The following PMPCA variants were observed in gnomAD, a reference collection of about 807,000 sequenced individuals.
PMPCA encodes the protein peptidase, mitochondrial processing subunit alpha, also known as mitochondrial-processing peptidase subunit alpha.
PMPCA carries 47 observed loss-of-function variants against 59.3 expected under a neutral mutation model. The observed-to-expected ratio is 0.79, with a 90% CI of 0.63 to 1.01. The LOEUF is 1.01. Ranked by LOEUF, PMPCA falls within the 50% of genes least tolerant of loss-of-function variation. The pLI is 0.00. For missense variants in PMPCA, 726 were observed against 704.5 expected (o/e 1.03, Z -0.34); for synonymous variants, 338 against 290.3 (o/e 1.16, Z -1.67).
At position 136,412,340 on chromosome 9, in the gene PMPCA, C is replaced by G. The variant is rs1169085464; in HGVS notation, c.274+141C>G. On this transcript the variant is annotated intron_variant, in intron 2 of 12. Coordinates refer to ENST00000371717, the MANE Select transcript of PMPCA (RefSeq NM_015160.3). ...AGTGTACGATTTCATAAATGTTGAG[C>G]TACACATATACCTGTGAAACCATCA... 5 of 795,770 alleles carry G rather than the reference C, an allele frequency of 6.3e-6. No individual in the cohort carries two copies. The East Asian group carries it at 1.2e-4, about 20-fold the overall frequency. 49.3% of individuals were successfully genotyped at this position (795,770 alleles called of 1,614,324 possible).
Position 136,419,061 on chromosome 9 carries a change from A to T in PMPCA, c.1218A>T (p.Glu406Asp), listed in dbSNP as rs1324764959. 1 of 1,614,042 alleles carries T rather than the reference A, an allele frequency of 6.2e-7. No individual in the cohort carries two copies. The highest frequency in any genetic ancestry group is 1.3e-5 in the African/African-American group (1 of 75,046). ...CTTCGCAGGTTCGAGAAATGGTAGA[A>T]ATCATCACAAAGGAGTTTATTTTAA... ...ADPRQVREMV[E>D]IITKEFILMG... The change falls in exon 11 of 13, where the codon GAA becomes GAT. Residue 406 changes from glutamate (E) to aspartate (D), a missense_variant. Glu to Asp is a conservative substitution (Grantham distance 45). Transcript: ENST00000371717.
At chr9:136,414,795 T>C (rs1299063574) in intron 5 of PMPCA, 148 bp downstream of exon 5, 1 of 599,336 alleles carries the variant, frequency 1.7e-6, no homozygotes, top group African/African-American at 1.8e-5. Context: ...TCATAAGAAA[T>C]AGCGCTGGGG....
Position 136,418,120 on chromosome 9 carries a change from G to A in PMPCA, c.990+11G>A, listed in dbSNP as rs1835334950. The A allele has an allele frequency of 1.3e-6, 2 of 1,589,956 alleles. No homozygotes were observed. Among genetic ancestry groups the A allele is most frequent in the Middle Eastern group, 1.7e-4 (1 of 6,014 alleles). On this transcript the variant is annotated intron_variant, in intron 8 of 12. Coordinates refer to ENST00000371717, the MANE Select transcript of PMPCA (RefSeq NM_015160.3). ...AGCTGCTCCTTCCTGGTGAGTCCTG[G>A]TGCTGGGTCTGATGGCGTTCCTGAT...
At chr9:136,412,649 TAATA>T (rs1208475838) in intron 3 of PMPCA, 80 bp downstream of exon 3, 2 of 817,444 alleles carry the variant, frequency 2.4e-6, no homozygotes, top group Middle Eastern at 2.3e-4. Context: ...ATGGTTATTT[TAATA>T]AATTATCAAG....
In PMPCA at chr9:136,416,026, C is replaced by T. The variant is rs117166540; in HGVS notation, c.533-265C>T. On this transcript the variant is annotated intron_variant, in intron 5 of 12. Transcript: ENST00000371717. ...GTCCAGTGTCTTCGGTGCCTTTCAC[C>T]AGCAAGGAAGCCAGGGCTTAGCAGG... 9.8e-3 allele frequency: 5,486 copies of T among 558,632 alleles called. 32 individuals are homozygous for T. Among genetic ancestry groups the T allele is most frequent in the Non-Finnish European group, 0.014 (4,503 of 313,934 alleles). 34.6% of individuals were successfully genotyped at this position (558,632 alleles called of 1,614,324 possible). A position where few individuals can be genotyped will look rare whatever the true frequency, so the allele number is the denominator to read the frequency against.
chr9:136,410,918 C>T (rs1360402363), intron 1 of PMPCA, among the ~76,000 whole-genome samples, 179 bp downstream of exon 1: 1 of 152,264 alleles, frequency 6.6e-6, no homozygotes, highest in Non-Finnish European at 1.5e-5. Context: ...AGCCCGGGGA[C>T]GCAGTCCCAT....
rs765984319 is a variant in PMPCA at position 136,418,024 on chromosome 9, G to C, written c.905G>C (p.Arg302Thr). The change falls in exon 8 of 13, where the codon AGA (arginine) becomes ACA (threonine). Residue 302 changes from arginine (R) to threonine (T), a missense_variant. Physicochemically the swap from Arg to Thr is moderately conservative, Grantham distance 71. Transcript: ENST00000371717. ...TTGTTTTCTTGGTTACAGCTAGAAA[G>C]AGACATGTCCAATGTCAGCCTGGGC... ...QYTGGIAKLE[R>T]DMSNVSLGPT... is the part of the protein sequence containing the mutation. 1.2e-6 allele frequency: 2 copies of C among 1,612,202 alleles called. No individual in the cohort carries two copies. Among genetic ancestry groups the C allele is most frequent in the African/African-American group, 2.7e-5 (2 of 74,884 alleles).
chr9:136,420,547 G>C (rs948671503), intron 11 of PMPCA: 1 of 152,116 alleles, frequency 6.6e-6, no homozygotes, highest in East Asian at 1.9e-4. Context: ...GCTGACCTCA[G>C]GTGATCCACC....
chr9:136,418,117 C>T lies in PMPCA; in HGVS notation c.990+8C>T. On this transcript the variant is annotated splice_region_variant and intron_variant, in intron 8 of 12. Coordinates refer to ENST00000371717, the MANE Select transcript of PMPCA (RefSeq NM_015160.3). ...GAGAGCTGCTCCTTCCTGGTGAGTCCTGGTGCTGGGTCTGATGGCGTTCCT... is the reference window on the plus strand; with the variant it reads ...GAGAGCTGCTCCTTCCTGGTGAGTCTTGGTGCTGGGTCTGATGGCGTTCCT... The T allele has an allele frequency of 1.3e-6, 2 of 1,596,810 alleles. No individual in the cohort carries two copies. Among genetic ancestry groups the T allele is most frequent in the Non-Finnish European group, 1.7e-6 (2 of 1,164,114 alleles).
Position 136,418,095 on chromosome 9 carries a change from A to C in PMPCA, c.976A>C (p.Ser326Arg). Residue 326 changes from serine (S) to arginine (R), a missense_variant, in exon 8 of 13, where the codon AGC (serine) becomes CGC (arginine). Ser to Arg is a moderately radical substitution (Grantham distance 110). Transcript: ENST00000371717. ...ELTHIMVGLE[S>R]CSFLEEDFIP... ...CACGCACATCATGGTTGGACTGGAG[A>C]GCTGCTCCTTCCTGGTGAGTCCTGG... The C allele has an allele frequency of 6.2e-7, 1 of 1,612,468 alleles. No homozygotes were observed. The highest frequency in any genetic ancestry group is 8.5e-7 in the Non-Finnish European group (1 of 1,178,502).
At chr9:136,416,690 G>A (rs573304168) in intron 6 of PMPCA, 9 of 587,854 alleles carry the variant, frequency 1.5e-5, no homozygotes, top group South Asian at 1.0e-4. Context: ...TACAATGTTC[G>A]TATTTTCCAG....
Position 136,412,811 on chromosome 9 carries a change from C to T in PMPCA, c.356C>T (p.Ser119Phe), listed in dbSNP as rs778649107. 3 of 1,579,612 alleles carry T rather than the reference C, an allele frequency of 1.9e-6. No individual in the cohort carries two copies. The highest frequency in any genetic ancestry group is 3.3e-5 in the Admixed American group (2 of 59,844). The part of the protein sequence containing the change: ...AHFLEKLAFS[S>F]TARFDSKDEI... ...GGTTTCCTTATTTATTTTTACTAGTCTACTGCTCGATTTGACAGCAAAGAT... is the reference window on the plus strand; with the variant it reads ...GGTTTCCTTATTTATTTTTACTAGTTTACTGCTCGATTTGACAGCAAAGAT... Residue 119 changes from serine to phenylalanine, a missense_variant and splice_region_variant, in exon 4 of 13, where the codon TCT becomes TTT. Ser to Phe is a radical substitution (Grantham distance 155). Transcript: ENST00000371717.
rs748757243 is a variant in PMPCA, at chr9:136,422,011, G to T, written c.1408+35G>T. 3.2e-6 allele frequency: 5 copies of T among 1,580,746 alleles called. No individual in the cohort carries two copies. In the East Asian group the frequency reaches 1.2e-4, roughly 37 times the overall value. ...GCAGGGGTAGTGAGGGGCTGCCGCA[G>T]GCCTCGGCCAGGCTCAGAGGAGGCC... On this transcript the variant is annotated intron_variant, in intron 12 of 12. Coordinates refer to ENST00000371717, the MANE Select transcript of PMPCA (RefSeq NM_015160.3).
intron 8 of PMPCA, among the ~76,000 whole-genome samples, 177 bp downstream of exon 8, chr9:136,418,286 C>T (rs1187719886): frequency 6.6e-6 from 1 of 152,082 alleles, no homozygotes; most frequent in Non-Finnish European, 1.5e-5. Flanking sequence ...GGCGACTCAG[C>T]CAGCTCTGCC....
intron 3 of PMPCA, 97 bp from the exon 4 acceptor site, chr9:136,412,713 G>T: frequency 1.2e-6 from 1 of 832,088 alleles, no homozygotes; most frequent in Non-Finnish European, 2.0e-6. Flanking sequence ...GATAATTTTT[G>T]TATGTGTGTT....
rs748748362 is a variant in PMPCA, at chr9:136,410,745, C to T, written c.71+6C>T. The stretch of plus-strand genomic sequence containing the variant: ...TGGGGCTGTTCGCGGCTGAGGTGAG[C>T]CAAAGGCGAACCAGGCTTCGGCCTG... On this transcript the variant is annotated splice_donor_region_variant and intron_variant, in intron 1 of 12. Coordinates refer to ENST00000371717, the MANE Select transcript of PMPCA (RefSeq NM_015160.3). The T allele has an allele frequency of 7.1e-7, 1 of 1,406,440 alleles. No homozygotes were observed. The highest frequency in any genetic ancestry group is 9.2e-7 in the Non-Finnish European group (1 of 1,085,490). The allele number at this position is 1,406,440 out of a possible 1,614,324, so 87.1% of individuals were successfully genotyped here. A position where few individuals can be genotyped will look rare whatever the true frequency, so the allele number is the denominator to read the frequency against.
intron 1 of PMPCA, 69 bp from the exon 2 acceptor site, chr9:136,411,928 G>T: frequency 1.2e-6 from 1 of 863,914 alleles, no homozygotes; most frequent in Non-Finnish European, 1.9e-6. Flanking sequence ...ATAACTAACC[G>T]CACCTAACAG....
rs1291324687 is a variant in PMPCA, at chr9:136,412,837, G to A, written c.382G>A (p.Glu128Lys). 2 of 1,608,648 alleles carry A rather than the reference G, an allele frequency of 1.2e-6. No homozygotes were observed. Among genetic ancestry groups the A allele is most frequent in the Admixed American group, 3.3e-5 (2 of 59,970 alleles). ...SSTARFDSKD[E>K]ILLTLEKHGG... is the part of the protein sequence containing the mutation. ...TACTGCTCGATTTGACAGCAAAGAT[G>A]AAATTCTGCTTACGTTGGAAAAGCA... The change falls in exon 4 of 13, where the codon GAA (glutamate) becomes AAA (lysine). Residue 128 changes from glutamate (E) to lysine (K), a missense_variant. Transcript: ENST00000371717.
intron 8 of PMPCA, among the ~76,000 whole-genome samples, 183 bp downstream of exon 8, chr9:136,418,292 C>G (rs564475933): frequency 1.8e-4 from 27 of 152,128 alleles, no homozygotes; most frequent in Admixed American, 7.2e-4. Flanking sequence ...TCAGCCAGCT[C>G]TGCCCTCTGT....
Sources: allele counts gnomAD v4.1 joint callset (sites outside exome capture counted in the v4.1 genomes callset), GRCh38; gene constraint gnomAD v4.1.1; transcripts MANE v1.5; gene names NCBI Gene and HGNC (gene_info 2026-07-23, HGNC 2026-07-21).